FLNB: variants seen among roughly 807,000 people sequenced by gnomAD.
FLNB encodes the protein filamin B, also known as filamin-B.
Under a neutral mutation model 250.6 loss-of-function variants are expected in FLNB, and 111 were observed. That is an observed-to-expected ratio of 0.44 (90% CI 0.38 to 0.52). FLNB has a LOEUF of 0.52. FLNB is among the 20% of genes least tolerant of loss of function. The pLI is 0.00. For missense variants in FLNB, 2,869 were observed against 3,447.8 expected (o/e 0.83, Z 4.20); for synonymous variants, 1,302 against 1,372.1 (o/e 0.95, Z 1.13).
At chr3:58,078,433 CTTTG>C (rs899746357) in intron 2 of FLNB, 404 of 1,534,870 alleles carry the variant, frequency 2.6e-4, no homozygotes, top group Non-Finnish European at 3.3e-4. Context: ...TTTTTCCAAG[CTTTG>C]TTTATTTTTT....
chr3:58,017,048 C>G (rs2097106733), intron 1 of FLNB, among the ~76,000 whole-genome samples: 1 of 152,046 alleles, frequency 6.6e-6, no homozygotes, highest in African/African-American at 2.4e-5. Context: ...TTTTAAGGTG[C>G]CTAACTAACT....
At chr3:58,053,493 C>G (rs1017357249) in intron 1 of FLNB, among the ~76,000 whole-genome samples, 2 of 152,204 alleles carry the variant, frequency 1.3e-5, no homozygotes, top group South Asian at 2.1e-4. Flanking sequence ...GACGGAGTCT[C>G]GCTGTCACCC....
At chr3:58,021,948 G>C (rs2097114722) in intron 1 of FLNB, among the ~76,000 whole-genome samples, 1 of 151,938 alleles carries the variant, frequency 6.6e-6, no homozygotes, top group African/African-American at 2.4e-5. Flanking sequence ...GGCTAATTTT[G>C]TATTTTTTGT....
At chr3:58,152,727 C>T in intron 38 of FLNB, 3 of 1,334,570 alleles carry the variant, frequency 2.2e-6, no homozygotes, top group Non-Finnish European at 3.0e-6. Context: ...TCATGAACTG[C>T]TCTGCCCAGA....
At chr3:58,043,102 T>A (rs1010254947) in intron 1 of FLNB, among the ~76,000 whole-genome samples, 1 of 151,818 alleles carries the variant, frequency 6.6e-6, no homozygotes, top group Non-Finnish European at 1.5e-5. Flanking sequence ...AAACTCTAGC[T>A]ATGTAAACTG....
Position 58,118,775 on chromosome 3 carries a change from C to A in FLNB, c.2746-97C>A. 5.7e-6 allele frequency: 5 copies of A among 869,764 alleles called. No individual in the cohort carries two copies. In the South Asian group the frequency reaches 6.6e-5, roughly 11 times the overall value. 53.9% of individuals were successfully genotyped at this position (869,764 alleles called of 1,614,324 possible). A position where few individuals can be genotyped will look rare whatever the true frequency, so the allele number is the denominator to read the frequency against. ...TACATTGATTGGAATCAAGTCTCCC[C>A]TGTCCGTGAGAAGAATGAGGGATCT... On this transcript the variant is annotated intron_variant, in intron 18 of 45. Transcript: ENST00000295956.
rs183775400 is a variant in FLNB at position 58,170,960 on chromosome 3, A to G, written c.*198A>G. 4.5e-4 allele frequency: 263 copies of G among 588,846 alleles called. No homozygotes were observed. The highest frequency in any genetic ancestry group is 3.8e-3 in the African/African-American group (204 of 53,918). 36.5% of individuals were successfully genotyped at this position (588,846 alleles called of 1,614,324 possible). On this transcript the variant is annotated 3_prime_UTR_variant, in exon 46 of 46. Transcript: ENST00000295956. ...ATATTGGAGAATCTTAAGAAATGCAAGCTTGTTCAGGGGGCTGAGAAGATC... is the reference window on the plus strand; with the variant it reads ...ATATTGGAGAATCTTAAGAAATGCAGGCTTGTTCAGGGGGCTGAGAAGATC...
chr3:58,016,060 GT>G (rs374564897), intron 1 of FLNB, among the ~76,000 whole-genome samples: 315 of 144,690 alleles, frequency 2.2e-3, no homozygotes, highest in African/African-American at 7.1e-3. Flanking sequence ...TTGTTTGTTT[GT>G]TTTTTTTTTT....
chr3:58,109,837 C>T, intron 15 of FLNB, 138 bp downstream of exon 15: 1 of 1,398,878 alleles, frequency 7.1e-7, no homozygotes, highest in Non-Finnish European at 1.0e-6. Context: ...TGAGTCATTC[C>T]TTAGTGATAT....
At chr3:58,058,388 T>C (rs2097173492) in intron 1 of FLNB, among the ~76,000 whole-genome samples, 1 of 152,208 alleles carries the variant, frequency 6.6e-6, no homozygotes, top group Non-Finnish European at 1.5e-5. Flanking sequence ...GGCCAAATTA[T>C]GGGGCTCCAT....
At chr3:58,092,571 G>A (rs1256044698) in intron 4 of FLNB, among the ~76,000 whole-genome samples, 1 of 152,146 alleles carries the variant, frequency 6.6e-6, no homozygotes, top group African/African-American at 2.4e-5. Flanking sequence ...GCCTGAGCCT[G>A]GGAGGTCGAG....
chr3:58,154,710 A>C, intron 39 of FLNB, 81 bp from the exon 40 acceptor site: 3 of 1,416,878 alleles, frequency 2.1e-6, no homozygotes, highest in Non-Finnish European at 1.0e-6. Flanking sequence ...GAAACCTAGC[A>C]CTGCAGGTTT....
intron 38 of FLNB, among the ~76,000 whole-genome samples, chr3:58,152,213 A>T (rs531214966): frequency 2.0e-5 from 3 of 152,166 alleles, no homozygotes; most frequent in Admixed American, 2.0e-4. Context: ...TACCCAAATG[A>T]TCCTCTCGGA....
intron 1 of FLNB, among the ~76,000 whole-genome samples, chr3:58,064,152 T>G (rs1293764083): frequency 3.3e-5 from 5 of 152,152 alleles, no homozygotes; most frequent in African/African-American, 1.2e-4. Flanking sequence ...TATGTGTATA[T>G]TTTTTGAGAC....
At chr3:58,059,256 A>G (rs934873413) in intron 1 of FLNB, among the ~76,000 whole-genome samples, 4 of 152,228 alleles carry the variant, frequency 2.6e-5, no homozygotes, top group African/African-American at 9.6e-5. Flanking sequence ...TCATGTGTTT[A>G]TAAAATGCAA....
At chr3:58,070,784 C>T (rs538438939) in intron 1 of FLNB, among the ~76,000 whole-genome samples, 18 of 151,818 alleles carry the variant, frequency 1.2e-4, no homozygotes, top group African/African-American at 4.3e-4. Context: ...CTCAGCCTCC[C>T]GAGTAGCTGG....
In FLNB at chr3:58,169,766, T is replaced by C; in HGVS notation, c.7594T>C (p.Ser2532Pro). 1 of 1,571,440 alleles carries C rather than the reference T, an allele frequency of 6.4e-7. No individual in the cohort carries two copies. Among genetic ancestry groups the C allele is most frequent in the Non-Finnish European group, 8.7e-7 (1 of 1,154,362 alleles). Residue 2532 changes from serine (S) to proline (P), a missense_variant, in exon 45 of 46, where the codon TCC (serine) becomes CCC (proline). By Grantham distance (74) the Ser-to-Pro change is moderately conservative. Coordinates refer to ENST00000295956, the MANE Select transcript of FLNB (RefSeq NM_001457.4). The surrounding 1 kb of genome is among the most constrained non-coding windows in gnomAD (Gnocchi z 4.8). Reference protein sequence around the residue: ...LSKAFVGQKSSFLVDCSKAGS... With the variant: ...LSKAFVGQKSPFLVDCSKAGS... ...AAAGGCCTTTGTGGGCCAGAAGAGT[T>C]CCTTCCTGGTGGACTGCAGCAAAGC...
At chr3:58,073,430 G>T (rs1035817445) in intron 1 of FLNB, among the ~76,000 whole-genome samples, 2 of 152,228 alleles carry the variant, frequency 1.3e-5, no homozygotes, top group Admixed American at 1.3e-4. Flanking sequence ...TCCGTGCAGG[G>T]CCTGGAGTTT....
In FLNB at chr3:58,164,202, C is replaced by T. The variant is rs1559741610; in HGVS notation, c.7198+872C>T. 6.6e-6 allele frequency: 1 copy of T among 152,316 alleles called. No individual in the cohort carries two copies. Among genetic ancestry groups the T allele is most frequent in the East Asian group, 1.9e-4 (1 of 5,206 alleles). The allele number at this position is 152,316 out of a possible 1,614,324, so 9.4% of individuals were successfully genotyped here. On this transcript the variant is annotated intron_variant, in intron 43 of 45. Coordinates refer to ENST00000295956, the MANE Select transcript of FLNB (RefSeq NM_001457.4). This position sits in a 1 kb window ranked among gnomAD's most constrained non-coding sequence, Gnocchi z 4.0. ...TCTTAAAGATCTTTCCATGTCAGAA[C>T]AGATCTTCCCCTCCTTTTCCTGGCT...
Sources: gnomAD v4.1 joint callset for allele counts (sites outside exome capture counted in the v4.1 genomes callset) on GRCh38, gnomAD v4.1.1 for gene constraint, Gnocchi (gnomAD v3.1) non-coding constraint, MANE v1.5 for transcripts, NCBI Gene and HGNC (gene_info 2026-07-23, HGNC 2026-07-21) for gene names.